The following LHFPL6 variants were observed in gnomAD, a reference collection of about 807,000 sequenced individuals.
LHFPL6 encodes the protein LHFPL tetraspan subfamily member 6, also known as LHFPL tetraspan subfamily member 6 protein.
Under a neutral mutation model 20.6 loss-of-function variants are expected in LHFPL6, and 9 were observed. That is an observed-to-expected ratio of 0.44 (90% CI 0.26 to 0.76). The LOEUF is 0.76. Among genes scored for constraint, LHFPL6 ranks in the 30% least tolerant of loss-of-function variants. The pLI is 0.20. For synonymous variants in LHFPL6, 105 were observed against 98.7 expected, an observed-to-expected ratio of 1.06 and a Z score of -0.38; for missense variants, 218 against 253.5, an observed-to-expected ratio of 0.86 and a Z score of 0.95.
intron 2 of LHFPL6, among the ~76,000 whole-genome samples, chr13:39,385,271 T>C (rs1322760482): frequency 6.6e-6 from 1 of 152,256 alleles, no homozygotes; most frequent in Non-Finnish European, 1.5e-5. Context: ...AAAAAGTTCA[T>C]TTTAATAATG....
At chr13:39,451,221 A>G (rs978236968) in intron 2 of LHFPL6, among the ~76,000 whole-genome samples, 1 of 152,208 alleles carries the variant, frequency 6.6e-6, no homozygotes, top group Non-Finnish European at 1.5e-5. Context: ...AATAGTTTAC[A>G]GAGTCAATGG....
At chr13:39,580,406 G>C (rs1041145979) in intron 2 of LHFPL6, among the ~76,000 whole-genome samples, 8 of 152,116 alleles carry the variant, frequency 5.3e-5, no homozygotes, top group African/African-American at 1.9e-4. Flanking sequence ...TCCTGAATAA[G>C]AAGTCACCTA....
At chr13:39,521,827 C>T (rs957366337) in intron 2 of LHFPL6, among the ~76,000 whole-genome samples, 1 of 152,162 alleles carries the variant, frequency 6.6e-6, no homozygotes, top group Non-Finnish European at 1.5e-5. Context: ...TATTGGCTTG[C>T]TCTGCAGATT....
At chr13:39,387,597 AG>A (rs1870599178) in intron 2 of LHFPL6, among the ~76,000 whole-genome samples, 1 of 150,512 alleles carries the variant, frequency 6.6e-6, no homozygotes, top group Admixed American at 6.6e-5. Context: ...CCTGTTTAAT[AG>A]GTGAAGGAAA....
intron 2 of LHFPL6, among the ~76,000 whole-genome samples, chr13:39,458,762 T>A (rs1241553961): frequency 3.5e-5 from 5 of 144,658 alleles, no homozygotes; most frequent in African/African-American, 7.7e-5. Context: ...AGAGAAAAAG[T>A]AACTATAAAT....
chr13:39,525,809 C>A (rs975349521), intron 2 of LHFPL6, among the ~76,000 whole-genome samples: 1 of 152,004 alleles, frequency 6.6e-6, no homozygotes. Flanking sequence ...CATTTATTAT[C>A]AAACACAGTA....
chr13:39,525,713 T>C (rs1385335147), intron 2 of LHFPL6, among the ~76,000 whole-genome samples: 1 of 152,114 alleles, frequency 6.6e-6, no homozygotes. Context: ...AGCCATATCA[T>C]GAATTCAAGG....
chr13:39,489,611 G>T (rs1389762926), intron 2 of LHFPL6, among the ~76,000 whole-genome samples: 5 of 151,778 alleles, frequency 3.3e-5, no homozygotes, highest in Admixed American at 6.6e-5. Flanking sequence ...CTGGAGTGCA[G>T]GGGCATGATC....
At chr13:39,472,902 T>C (rs112635590) in intron 2 of LHFPL6, among the ~76,000 whole-genome samples, 20,016 of 152,252 alleles carry the variant, frequency 0.13, 2,702 homozygotes, top group African/African-American at 0.33. Context: ...TGAGCCACCG[T>C]GCCCGGCCCC....
At chr13:39,408,757 A>G (rs918300368) in intron 2 of LHFPL6, among the ~76,000 whole-genome samples, 1 of 152,220 alleles carries the variant, frequency 6.6e-6, no homozygotes, top group African/African-American at 2.4e-5. Flanking sequence ...AACATCCAAA[A>G]CAGAAAGCAG....
At chr13:39,386,983 C>G (rs939475263) in intron 2 of LHFPL6, among the ~76,000 whole-genome samples, 5 of 152,134 alleles carry the variant, frequency 3.3e-5, no homozygotes, top group African/African-American at 9.7e-5. Context: ...CCTGGTCATC[C>G]CAGCAGCGAG....
At chr13:39,543,543 C>A (rs1269341831) in intron 2 of LHFPL6, among the ~76,000 whole-genome samples, 1 of 152,140 alleles carries the variant, frequency 6.6e-6, no homozygotes, top group African/African-American at 2.4e-5. Context: ...GTTTCTTTTA[C>A]TTCGTCATAG....
At chr13:39,379,587 C>T (rs1028357234) in intron 2 of LHFPL6, among the ~76,000 whole-genome samples, 11 of 152,126 alleles carry the variant, frequency 7.2e-5, no homozygotes, top group Non-Finnish European at 4.4e-5. Flanking sequence ...CCTTCCGGGC[C>T]GTCTTTTGTC....
At chr13:39,420,969 C>G (rs187725784) in intron 2 of LHFPL6, among the ~76,000 whole-genome samples, 3 of 152,108 alleles carry the variant, frequency 2.0e-5, no homozygotes, top group South Asian at 2.1e-4. Flanking sequence ...TTTTTCCCCC[C>G]CCTCAAAACT....
chr13:39,579,892 A>G (rs1872227678), intron 2 of LHFPL6, among the ~76,000 whole-genome samples: 1 of 152,238 alleles, frequency 6.6e-6, no homozygotes, highest in African/African-American at 2.4e-5. Flanking sequence ...ATGAATTTAT[A>G]AACTCCTCAG....
At chr13:39,379,006 A>T (rs1441990022) in intron 2 of LHFPL6, among the ~76,000 whole-genome samples, 1 of 152,138 alleles carries the variant, frequency 6.6e-6, no homozygotes, top group Non-Finnish European at 1.5e-5. Flanking sequence ...GAGTTTCATG[A>T]ATGGCCTCAG....
chr13:39,568,215 G>A (rs1056451436), intron 2 of LHFPL6, among the ~76,000 whole-genome samples: 1 of 151,052 alleles, frequency 6.6e-6, no homozygotes, highest in Admixed American at 6.6e-5. Context: ...TAACAGCAGA[G>A]AATAGGAAAT....
intron 2 of LHFPL6, among the ~76,000 whole-genome samples, chr13:39,490,266 T>C (rs1473802739): frequency 6.6e-6 from 1 of 152,216 alleles, no homozygotes. Flanking sequence ...GAATTTCTTA[T>C]GCAGGAATCT....
At chr13:39,519,847 G>GA (rs35876028) in intron 2 of LHFPL6, among the ~76,000 whole-genome samples, 1 of 151,886 alleles carries the variant, frequency 6.6e-6, no homozygotes, top group African/African-American at 2.4e-5. Context: ...ACCAAGGGGG[G>GA]AAAAAAATAA....
Sources: allele counts gnomAD v4.1 joint callset (sites outside exome capture counted in the v4.1 genomes callset), GRCh38; gene constraint gnomAD v4.1.1; transcripts MANE v1.5; gene names NCBI Gene and HGNC (gene_info 2026-07-23, HGNC 2026-07-21).